Variants in STEAP1B observed in about 807,000 individuals in gnomAD.
STEAP1B encodes the protein STEAP family member 1B, also known as STEAP family protein MGC87042.
A neutral mutation model predicts 27.9 loss-of-function variants in STEAP1B; 13 were observed. The observed-to-expected ratio is 0.47, with a 90% CI of 0.30 to 0.74. The LOEUF is 0.74. Among genes scored for constraint, STEAP1B ranks in the 30% least tolerant of loss-of-function variants. The pLI is 0.06. For missense variants in STEAP1B, 250 were observed against 298.7 expected (o/e 0.84, Z 1.20); for synonymous variants, 86 against 107.1 (o/e 0.80, Z 1.22).
chr7:22,496,247 T>C (rs1786437937), intron 1 of STEAP1B, among the ~76,000 whole-genome samples: 1 of 152,162 alleles, frequency 6.6e-6, no homozygotes, highest in African/African-American at 2.4e-5. Context: ...AAAGAAAATA[T>C]TTTGTATGGC....
chr7:22,469,706 T>C (rs555901043), intron 4 of STEAP1B, among the ~76,000 whole-genome samples: 22 of 152,298 alleles, frequency 1.4e-4, no homozygotes, highest in African/African-American at 5.3e-4. Flanking sequence ...ATAGCCTACA[T>C]GTATAATAGG....
At chr7:22,477,737 T>G (rs577852107) in intron 4 of STEAP1B, among the ~76,000 whole-genome samples, 12 of 152,228 alleles carry the variant, frequency 7.9e-5, no homozygotes, top group Non-Finnish European at 1.6e-4. Context: ...AGAGGTTTTT[T>G]TTTTTAATGC....
chr7:22,496,408 C>G (rs528864826), intron 1 of STEAP1B, among the ~76,000 whole-genome samples: 1 of 151,904 alleles, frequency 6.6e-6, no homozygotes, highest in African/African-American at 2.4e-5. Context: ...TAGTGTACAG[C>G]GTTTATAAAG....
intron 4 of STEAP1B, chr7:22,492,347 A>AT: frequency 1.8e-5 from 4 of 225,436 alleles, no homozygotes; most frequent in South Asian, 1.6e-4. Flanking sequence ...AAAAAAAAAA[A>AT]GGATATTTTA....
chr7:22,472,085 C>G (rs1018185001), intron 4 of STEAP1B, among the ~76,000 whole-genome samples: 3 of 152,106 alleles, frequency 2.0e-5, no homozygotes, highest in Admixed American at 2.0e-4. Context: ...TTAATAGATT[C>G]ATGACATATT....
chr7:22,433,138 CA>C (rs11385360), intron 4 of STEAP1B, among the ~76,000 whole-genome samples: 67,078 of 150,822 alleles, frequency 0.44, 14,948 homozygotes, highest in Middle Eastern at 0.57. Flanking sequence ...GTTATTTCAC[CA>C]AAAAAAAACA....
chr7:22,468,833 C>A (rs1317881031), intron 4 of STEAP1B, among the ~76,000 whole-genome samples: 3 of 152,188 alleles, frequency 2.0e-5, no homozygotes, highest in African/African-American at 7.2e-5. Context: ...CAGAGTGCAA[C>A]ACATTATTCA....
At chr7:22,461,966 G>A (rs371717564) in intron 4 of STEAP1B, among the ~76,000 whole-genome samples, 7 of 152,176 alleles carry the variant, frequency 4.6e-5, no homozygotes, top group Non-Finnish European at 7.3e-5. Context: ...TACCAGCCAC[G>A]TAGTAAACGC....
intron 4 of STEAP1B, among the ~76,000 whole-genome samples, chr7:22,466,145 A>C: frequency 6.6e-6 from 1 of 152,242 alleles, no homozygotes; most frequent in East Asian, 1.9e-4. Flanking sequence ...TTTGGCTCAC[A>C]GTGCTAAAAT....
chr7:22,486,611 C>A (rs576038018), intron 4 of STEAP1B, among the ~76,000 whole-genome samples: 1 of 152,046 alleles, frequency 6.6e-6, no homozygotes, highest in East Asian at 1.9e-4. Context: ...TCAGAAAAGC[C>A]CCTCTGGTCC....
chr7:22,438,710 T>G, intron 4 of STEAP1B: 1 of 1,551,692 alleles, frequency 6.4e-7, no homozygotes, highest in Non-Finnish European at 8.7e-7. Flanking sequence ...GCCAGTTTAG[T>G]GGCCTGAAAG....
chr7:22,462,021 C>T (rs1376008191), intron 4 of STEAP1B, among the ~76,000 whole-genome samples: 2 of 152,176 alleles, frequency 1.3e-5, no homozygotes, highest in Admixed American at 1.3e-4. Context: ...GGCCAAAACT[C>T]AGACTCCCAA....
At chr7:22,460,396 G>A (rs1258291854) in intron 4 of STEAP1B, among the ~76,000 whole-genome samples, 3 of 151,770 alleles carry the variant, frequency 2.0e-5, no homozygotes, top group African/African-American at 4.8e-5. Flanking sequence ...CTGAGGGAGA[G>A]CATTCAAGGA....
At chr7:22,492,803 T>G (rs1490302219) in intron 3 of STEAP1B, 74 bp from the exon 4 acceptor site, 3 of 1,524,876 alleles carry the variant, frequency 2.0e-6, no homozygotes, top group African/African-American at 2.8e-5. Flanking sequence ...CCTTCTACAC[T>G]CTTCCCTGTG....
intron 4 of STEAP1B, among the ~76,000 whole-genome samples, chr7:22,467,661 G>C (rs1379533514): frequency 6.6e-6 from 1 of 152,062 alleles, no homozygotes; most frequent in Non-Finnish European, 1.5e-5. Context: ...CTTTTGCTTG[G>C]ATCTCACTCT....
Position 22,458,591 on chromosome 7 carries a change from C to T in STEAP1B, c.762+33974G>A, listed in dbSNP as rs530462973. Among the ~76,000 whole-genome samples, 73 of 152,322 alleles carry T rather than the reference C, an allele frequency of 4.8e-4. 1 individual carries two copies. The highest frequency in any genetic ancestry group is 6.8e-3 in the Middle Eastern group (2 of 294). ...CTCCGCTAGAGTCAGTTGTTAAACA[C>T]TAAACAGCGCACCACTGGGTAGGCC... On this transcript the variant is annotated intron_variant, in intron 4 of 4. Coordinates refer to ENST00000678116, the MANE Select transcript of STEAP1B (RefSeq NM_001382447.1).
Position 22,422,832 on chromosome 7 carries a change from A to C in STEAP1B, c.763-2996T>G, listed in dbSNP as rs113889690. Among the ~76,000 whole-genome samples, 1,413 of 152,324 alleles carry C rather than the reference A, an allele frequency of 9.3e-3. 12 individuals are homozygous for C. Among genetic ancestry groups the C allele is most frequent in the Non-Finnish European group, 0.015 (1,008 of 68,026 alleles). ...ATTTGAAGCAGTCACTGACAGTTTA[A>C]ATCAGTCACATTAGTTTATCCTAGC... On this transcript the variant is annotated intron_variant, in intron 4 of 4. Transcript: ENST00000678116.
At chr7:22,444,650 G>T (rs1357936636) in intron 4 of STEAP1B, among the ~76,000 whole-genome samples, 1 of 152,204 alleles carries the variant, frequency 6.6e-6, no homozygotes, top group African/African-American at 2.4e-5. Context: ...AGCATGGATT[G>T]TGCCTCTTGC....
chr7:22,468,787 T>C (rs1172222495), intron 4 of STEAP1B, among the ~76,000 whole-genome samples: 1 of 152,180 alleles, frequency 6.6e-6, no homozygotes, highest in Non-Finnish European at 1.5e-5. Flanking sequence ...GCTGAAAAAT[T>C]CTCATCATCT....
Sources: gnomAD v4.1 joint callset for allele counts (sites outside exome capture counted in the v4.1 genomes callset) on GRCh38, gnomAD v4.1.1 for gene constraint, MANE v1.5 for transcripts, NCBI Gene and HGNC (gene_info 2026-07-23, HGNC 2026-07-21) for gene names.